The following NCAM1 variants were observed in gnomAD, a reference collection of about 807,000 sequenced individuals.
NCAM1 encodes neural cell adhesion molecule 1.
In NCAM1, 14 loss-of-function variants were observed where a neutral mutation model predicts 109.8. The ratio of observed to expected loss-of-function variants is 0.13; its 90% confidence interval spans 0.08 to 0.20. NCAM1 has a LOEUF of 0.20. Ranked by LOEUF, NCAM1 falls within the 10% of genes least tolerant of loss-of-function variation. The pLI is 1.00. For synonymous variants in NCAM1, 418 were observed against 442.9 expected, an observed-to-expected ratio of 0.94 and a Z score of 0.70; for missense variants, 774 against 1,109.9, an observed-to-expected ratio of 0.70 and a Z score of 4.30.
Position 112,993,301 on chromosome 11 carries a change from C to A in NCAM1, c.52+31637C>A, listed in dbSNP as rs550662441. 2.6e-5 allele frequency among the ~76,000 whole-genome samples: 4 copies of A among 152,132 alleles called. No homozygotes were observed. In the East Asian group the frequency reaches 7.7e-4, roughly 29 times the overall value. On this transcript the variant is annotated intron_variant, in intron 1 of 19. Transcript: ENST00000316851. ...GCATATCACATGGGGAAAGTAGGAG[C>A]AAGTGACAGAGAGTTGGGGGTGGGG...
intron 1 of NCAM1, among the ~76,000 whole-genome samples, chr11:113,107,571 G>A (rs1187172993): frequency 6.6e-6 from 1 of 152,120 alleles, no homozygotes; most frequent in African/African-American, 2.4e-5. Context: ...GAAGGGGAAA[G>A]GCATTTCTTA....
chr11:113,017,635 T>TTGTGTGTGTGTGTGTGTGTGTGTG (rs71698389), intron 1 of NCAM1, among the ~76,000 whole-genome samples: 8,762 of 145,042 alleles, frequency 0.06, 358 homozygotes, highest in East Asian at 0.19. Flanking sequence ...CAGTACTGTT[T>TTGTGTGTGTGTGTGTGTGTGTGTG]TGTGTGTGTG....
chr11:113,154,088 A>T (rs1555103046), intron 1 of NCAM1, among the ~76,000 whole-genome samples: 1 of 152,258 alleles, frequency 6.6e-6, no homozygotes, highest in Non-Finnish European at 1.5e-5. Context: ...GAAGAATTGC[A>T]TAAGAGAATA....
At chr11:113,065,904 G>A (rs918092960) in intron 1 of NCAM1, among the ~76,000 whole-genome samples, 15 of 152,172 alleles carry the variant, frequency 9.9e-5, no homozygotes, top group Admixed American at 6.5e-5. Flanking sequence ...GAAACGTTGC[G>A]AGTTGATGAA....
intron 1 of NCAM1, among the ~76,000 whole-genome samples, chr11:113,017,899 T>G (rs1220469664): frequency 6.6e-6 from 1 of 152,188 alleles, no homozygotes; most frequent in Non-Finnish European, 1.5e-5. Flanking sequence ...GGGCAGAATT[T>G]AAGTTAAACA....
At chr11:113,001,946 T>C (rs758356082) in intron 1 of NCAM1, among the ~76,000 whole-genome samples, 2 of 152,178 alleles carry the variant, frequency 1.3e-5, no homozygotes, top group Non-Finnish European at 2.9e-5. Flanking sequence ...GCAGCTTCTC[T>C]CCGTGGAGAG....
At chr11:113,183,805 T>TAC (rs1555108392) in intron 1 of NCAM1, among the ~76,000 whole-genome samples, 2 of 152,220 alleles carry the variant, frequency 1.3e-5, no homozygotes, top group African/African-American at 4.8e-5. Context: ...TTGAATCTTG[T>TAC]GGGTCAGTGT....
intron 1 of NCAM1, among the ~76,000 whole-genome samples, chr11:113,065,053 A>G (rs1407188515): frequency 1.3e-5 from 2 of 152,166 alleles, no homozygotes; most frequent in Non-Finnish European, 2.9e-5. Context: ...ATGAGCCTGG[A>G]GCATCTTGTA....
At chr11:113,271,727 C>T (rs1405129444) in intron 18 of NCAM1, 33 bp from the exon 19 acceptor site, 2 of 1,518,440 alleles carry the variant, frequency 1.3e-6, no homozygotes, top group African/African-American at 1.4e-5. Context: ...CTGCAGCTGC[C>T]CTAGGGTCTA....
intron 1 of NCAM1, among the ~76,000 whole-genome samples, chr11:112,972,699 G>T (rs1356870911): frequency 6.6e-6 from 1 of 152,136 alleles, no homozygotes; most frequent in Non-Finnish European, 1.5e-5. Context: ...GTGGTTAAAA[G>T]TATAAAGTAG....
intron 1 of NCAM1, among the ~76,000 whole-genome samples, chr11:113,100,821 C>T (rs1185015196): frequency 1.1e-4 from 17 of 152,036 alleles, no homozygotes; most frequent in Admixed American, 5.9e-4. Context: ...CATTTATGGC[C>T]GCGGGCCCAG....
chr11:113,013,225 A>G (rs1287113075), intron 1 of NCAM1, among the ~76,000 whole-genome samples: 13 of 151,950 alleles, frequency 8.6e-5, no homozygotes, highest in Admixed American at 8.5e-4. Context: ...TTAGGAGTTC[A>G]AGACCAGCCT....
At chr11:113,138,236 T>A (rs1941680982) in intron 1 of NCAM1, among the ~76,000 whole-genome samples, 1 of 152,242 alleles carries the variant, frequency 6.6e-6, no homozygotes, top group Non-Finnish European at 1.5e-5. Flanking sequence ...GGCAGGTTTT[T>A]CCATGGATGG....
At chr11:113,243,624 T>C (rs782139102) in intron 14 of NCAM1, 4 of 518,248 alleles carry the variant, frequency 7.7e-6, no homozygotes, top group Admixed American at 5.8e-5. Flanking sequence ...AAGTAAGATG[T>C]GTGTGGAGGA....
chr11:113,096,231 G>C (rs1314880773), intron 1 of NCAM1, among the ~76,000 whole-genome samples: 1 of 152,260 alleles, frequency 6.6e-6, no homozygotes, highest in East Asian at 1.9e-4. Context: ...ATACCAAGTG[G>C]GGGTGGTGGA....
chr11:113,120,824 T>A (rs1305511320), intron 1 of NCAM1, among the ~76,000 whole-genome samples: 1 of 152,172 alleles, frequency 6.6e-6, no homozygotes, highest in Non-Finnish European at 1.5e-5. Flanking sequence ...TTAAATGCCC[T>A]CTTCATTGGG....
chr11:113,249,946 G>A (rs619265), intron 15 of NCAM1, among the ~76,000 whole-genome samples: 19,350 of 152,018 alleles, frequency 0.13, 2,597 homozygotes, highest in African/African-American at 0.34. Flanking sequence ...TAGTGAGTGT[G>A]GCTGCGGGGA....
intron 1 of NCAM1, among the ~76,000 whole-genome samples, chr11:113,115,157 A>G (rs1247628569): frequency 6.6e-6 from 1 of 152,194 alleles, no homozygotes. Context: ...CTGTTACTTT[A>G]GCACTTTACA....
intron 5 of NCAM1, among the ~76,000 whole-genome samples, chr11:113,206,753 C>G (rs1944251879): frequency 6.6e-6 from 1 of 152,158 alleles, no homozygotes; most frequent in African/African-American, 2.4e-5. Flanking sequence ...CATCTCATTC[C>G]TTTGGTAAAA....
Sources: allele counts gnomAD v4.1 joint callset (sites outside exome capture counted in the v4.1 genomes callset), GRCh38; gene constraint gnomAD v4.1.1; transcripts MANE v1.5; gene names NCBI Gene and HGNC (gene_info 2026-07-23, HGNC 2026-07-21).